The following OPCML variants were observed in gnomAD, a reference collection of about 807,000 sequenced individuals.
OPCML encodes opioid binding protein/cell adhesion molecule like, also known as opioid-binding protein/cell adhesion molecule.
OPCML carries 13 observed loss-of-function variants against 37.8 expected under a neutral mutation model. The ratio of observed to expected loss-of-function variants is 0.34; its 90% CI spans 0.22 to 0.55. OPCML has a LOEUF of 0.55. Among genes scored for constraint, OPCML ranks in the 20% least tolerant of loss-of-function variants. The probability of loss-of-function intolerance (pLI) is 0.91; values close to 1 mark genes in which losing one functional copy is unlikely to be tolerated. For missense variants in OPCML, 341 were observed against 435.6 expected, an observed-to-expected ratio of 0.78 and a Z score of 1.93; for synonymous variants, 176 against 168.8, an observed-to-expected ratio of 1.04 and a Z score of -0.33.
chr11:133,261,528 G>C (rs1490419356), intron 1 of OPCML, among the ~76,000 whole-genome samples: 1 of 152,088 alleles, frequency 6.6e-6, no homozygotes, highest in Non-Finnish European at 1.5e-5. Flanking sequence ...TCAGACGAAA[G>C]AGTGGTGAGG....
intron 2 of OPCML, among the ~76,000 whole-genome samples, chr11:132,724,775 A>G (rs1488371143): frequency 6.6e-6 from 1 of 152,216 alleles, no homozygotes; most frequent in Admixed American, 6.5e-5. Context: ...CAGCCATTCC[A>G]AACGGAAGAA....
chr11:132,729,321 T>C (rs1346203760), intron 2 of OPCML, among the ~76,000 whole-genome samples: 1 of 152,168 alleles, frequency 6.6e-6, no homozygotes. Context: ...AATCTTAAAA[T>C]GCACATTCAG....
intron 1 of OPCML, among the ~76,000 whole-genome samples, chr11:133,257,302 T>C (rs150277787): frequency 1.6e-3 from 246 of 152,312 alleles, no homozygotes; most frequent in African/African-American, 5.7e-3. Flanking sequence ...AGTCCAAGTG[T>C]TGAGAAATGA....
chr11:133,219,647 G>A (rs780581960), intron 1 of OPCML, among the ~76,000 whole-genome samples: 6 of 152,264 alleles, frequency 3.9e-5, no homozygotes, highest in South Asian at 2.1e-4. Flanking sequence ...GCCTCCAGGC[G>A]CTGCTGCTGC....
intron 2 of OPCML, among the ~76,000 whole-genome samples, chr11:132,936,661 G>T (rs143695949): frequency 2.6e-5 from 4 of 152,056 alleles, no homozygotes; most frequent in African/African-American, 9.7e-5. Context: ...GCCATACACA[G>T]ATCTAGGCTA....
At chr11:132,973,754 C>G (rs1343028046) in intron 1 of OPCML, among the ~76,000 whole-genome samples, 1 of 152,216 alleles carries the variant, frequency 6.6e-6, no homozygotes, top group Admixed American at 6.5e-5. Flanking sequence ...TCCACAATGA[C>G]TTTTCCAAAC....
At chr11:133,243,572 G>A (rs1248016129) in intron 1 of OPCML, among the ~76,000 whole-genome samples, 1 of 152,202 alleles carries the variant, frequency 6.6e-6, no homozygotes, top group Non-Finnish European at 1.5e-5. Flanking sequence ...AGCAGATAAT[G>A]TTGAGAGGCA....
chr11:132,552,267 C>G (rs1271329394), intron 3 of OPCML, among the ~76,000 whole-genome samples: 1 of 152,126 alleles, frequency 6.6e-6, no homozygotes, highest in Non-Finnish European at 1.5e-5. Context: ...GCAAGGTGCA[C>G]CCTTGTTAAG....
chr11:132,876,576 T>C (rs529487371), intron 2 of OPCML, among the ~76,000 whole-genome samples: 1 of 152,318 alleles, frequency 6.6e-6, no homozygotes, highest in Non-Finnish European at 1.5e-5. Flanking sequence ...ATGGCTTTTA[T>C]GGTTTATCCT....
chr11:133,419,374 C>T (rs1238883711), intron 1 of OPCML: 2 of 982,140 alleles, frequency 2.0e-6, no homozygotes, highest in East Asian at 2.3e-4. Context: ...AGCTTCTACC[C>T]ACTCGTCAGA....
At chr11:133,107,433 C>T (rs770787172) in intron 1 of OPCML, among the ~76,000 whole-genome samples, 8 of 152,164 alleles carry the variant, frequency 5.3e-5, no homozygotes, top group Non-Finnish European at 1.2e-4. Flanking sequence ...TGTCCTTGTC[C>T]ATGCTTCTGG....
chr11:132,486,585 T>C (rs552972824), intron 4 of OPCML, among the ~76,000 whole-genome samples: 1 of 152,358 alleles, frequency 6.6e-6, no homozygotes, highest in East Asian at 1.9e-4. Context: ...GGAACATATT[T>C]ACTTTTATTT....
intron 2 of OPCML, among the ~76,000 whole-genome samples, chr11:132,785,978 T>C (rs1303697230): frequency 6.6e-6 from 1 of 152,202 alleles, no homozygotes; most frequent in African/African-American, 2.4e-5. Flanking sequence ...TAGAGCTGGG[T>C]TTTGCGGGCA....
chr11:132,802,460 G>A (rs552357441), intron 2 of OPCML, among the ~76,000 whole-genome samples: 7 of 152,212 alleles, frequency 4.6e-5, no homozygotes, highest in South Asian at 2.1e-4. Flanking sequence ...CTCCATCAAC[G>A]TTGGTTCAAG....
At chr11:132,496,819 G>A (rs2096232627) in intron 4 of OPCML, among the ~76,000 whole-genome samples, 1 of 152,132 alleles carries the variant, frequency 6.6e-6, no homozygotes, top group Admixed American at 6.5e-5. Flanking sequence ...GAAAATTAAA[G>A]TTTTCTCTAT....
At chr11:133,185,523 T>C (rs866638703) in intron 1 of OPCML, among the ~76,000 whole-genome samples, 6 of 152,184 alleles carry the variant, frequency 3.9e-5, no homozygotes, top group Non-Finnish European at 5.9e-5. Context: ...GAGATGGGGT[T>C]CGGAGGGTGA....
chr11:133,047,557 C>T (rs1383035327), intron 1 of OPCML, among the ~76,000 whole-genome samples: 19 of 152,170 alleles, frequency 1.2e-4, no homozygotes, highest in Admixed American at 1.2e-3. Context: ...GTGGATGGCA[C>T]TGCGGCCCAC....
chr11:133,332,322 G>T (rs553294185), intron 1 of OPCML, among the ~76,000 whole-genome samples: 7 of 152,238 alleles, frequency 4.6e-5, no homozygotes, highest in Admixed American at 4.6e-4. Context: ...AGCTGAAGGA[G>T]CTTCAGCTGG....
At chr11:132,453,510 A>G (rs1258901502) in intron 4 of OPCML, among the ~76,000 whole-genome samples, 1 of 152,224 alleles carries the variant, frequency 6.6e-6, no homozygotes, top group African/African-American at 2.4e-5. Context: ...GCAGAAAAAT[A>G]CAAAGAACGA....
Sources: allele counts gnomAD v4.1 joint callset (sites outside exome capture counted in the v4.1 genomes callset), GRCh38; gene constraint gnomAD v4.1.1; transcripts MANE v1.5; gene names NCBI Gene and HGNC (gene_info 2026-07-23, HGNC 2026-07-21).